TRAF4: variants seen among roughly 807,000 people sequenced by gnomAD.
The protein encoded by TRAF4 is TNF receptor associated factor 4.
TRAF4 carries 9 observed loss-of-function variants against 47.3 expected under a neutral mutation model. That is an observed-to-expected ratio of 0.19 (90% CI 0.11 to 0.33). The LOEUF (loss-of-function observed/expected upper bound fraction) is 0.33. TRAF4 is among the 10% of genes least tolerant of loss of function. TRAF4 has a pLI of 1.00. For synonymous variants in TRAF4, 236 were observed against 236.9 expected (o/e 1.00, Z 0.04); for missense variants, 448 against 620.3 (o/e 0.72, Z 2.95).
intron 1 of TRAF4, among the ~76,000 whole-genome samples, chr17:28,744,468 C>T (rs2034477397): frequency 6.6e-6 from 1 of 152,014 alleles, no homozygotes; most frequent in South Asian, 2.1e-4. Context: ...GTCCCAACTG[C>T]CCGGCCCGGG....
chr17:28,748,458 G>GT, intron 5 of TRAF4, 35 bp downstream of exon 5: 2 of 1,606,928 alleles, frequency 1.2e-6, no homozygotes, highest in Non-Finnish European at 1.7e-6. Flanking sequence ...TTGCAGGGTA[G>GT]GTGACAGGTA....
Position 28,749,435 on chromosome 17 carries a change from G to A in TRAF4, c.1271G>A (p.Arg424Gln), listed in dbSNP as rs144429633. Residue 424 changes from arginine (R) to glutamine (Q), a missense_variant, in exon 7 of 7, where the codon CGG becomes CAG. Physicochemically the swap from Arg to Gln is conservative, Grantham distance 43. Transcript: ENST00000262395. ...AATTTCCAGAAGCCAGGCACGTGGC[G>A]GGGCTCCCTGGATGAGAGTTCTCTG... Reference protein sequence around the residue: ...WKNFQKPGTWRGSLDESSLGF... With the variant: ...WKNFQKPGTWQGSLDESSLGF... The A allele has an allele frequency of 4.3e-4, 686 of 1,613,938 alleles. 4 individuals are homozygous for A. Among genetic ancestry groups the A allele is most frequent in the South Asian group, 6.5e-4 (59 of 91,086 alleles).
chr17:28,744,432 C>A (rs1002485556), intron 1 of TRAF4, among the ~76,000 whole-genome samples, 177 bp downstream of exon 1: 1 of 151,268 alleles, frequency 6.6e-6, no homozygotes, highest in African/African-American at 2.4e-5. Context: ...AGGCCCCCCC[C>A]GCAGGAATCC....
In TRAF4 at chr17:28,749,907, A is replaced by G. The variant is rs1240122749; in HGVS notation, c.*330A>G. 1.4e-6 allele frequency: 1 copy of G among 700,550 alleles called. No homozygotes were observed. The highest frequency in any genetic ancestry group is 1.7e-5 in the African/African-American group (1 of 57,200). The allele number at this position is 700,550 out of a possible 1,614,324, so 43.4% of individuals were successfully genotyped here. On this transcript the variant is annotated 3_prime_UTR_variant, in exon 7 of 7. Coordinates refer to ENST00000262395, the MANE Select transcript of TRAF4 (RefSeq NM_004295.4). Reference sequence around the variant, plus strand: ...GCTCAGGTGCTATGTCCCAAGAGCCATAAGGGGGTGGGAATTGGGGAGGGA... The same window carrying G: ...GCTCAGGTGCTATGTCCCAAGAGCCGTAAGGGGGTGGGAATTGGGGAGGGA...
intron 1 of TRAF4, among the ~76,000 whole-genome samples, chr17:28,746,240 C>T (rs1029404323): frequency 3.3e-5 from 5 of 152,232 alleles, no homozygotes; most frequent in African/African-American, 4.8e-5. Context: ...TGCCCTGCCC[C>T]AGGGCCCTGA....
rs759555287 is a variant in TRAF4, at chr17:28,748,546, C to T, written c.660C>T (p.Ala220=). The T allele has an allele frequency of 6.2e-7, 1 of 1,613,574 alleles. No homozygotes were observed. The highest frequency in any genetic ancestry group is 8.5e-7 in the Non-Finnish European group (1 of 1,179,984). Residue 220 remains alanine (A), a synonymous_variant, in exon 6 of 7, where the codon GCC becomes GCT. Transcript: ENST00000262395. Reference sequence around the variant, plus strand: ...ACCAGTGCCCAAGGCTGCCTGTTGCCTGCCCCAACCAATGTGGTGTGGGCA... The same window carrying T: ...ACCAGTGCCCAAGGCTGCCTGTTGCTTGCCCCAACCAATGTGGTGTGGGCA... ...HQYQCPRLPV[A]CPNQCGVGTV...
At position 28,750,276 on chromosome 17, in the gene TRAF4, T is replaced by G; in HGVS notation, c.*699T>G. The G allele has an allele frequency of 4.1e-6, 1 of 243,632 alleles. No individual in the cohort carries two copies. The highest frequency in any genetic ancestry group is 9.6e-5 in the East Asian group (1 of 10,424). 15.1% of individuals were successfully genotyped at this position (243,632 alleles called of 1,614,324 possible). On this transcript the variant is annotated 3_prime_UTR_variant, in exon 7 of 7. Transcript: ENST00000262395. ...TTGTGTGGAAGACGGTCCCTGCCAC[T>G]GCCCTCTGCCGATGAAATGCGGGAA...
chr17:28,747,202 C>T lies in TRAF4; in HGVS notation c.144-11C>T, dbSNP rs766652062. 26 of 1,613,200 alleles carry T rather than the reference C, an allele frequency of 1.6e-5. No individual in the cohort carries two copies. Among genetic ancestry groups the T allele is most frequent in the South Asian group, 2.2e-5 (2 of 91,036 alleles). On this transcript the variant is annotated splice_polypyrimidine_tract_variant and intron_variant, in intron 1 of 6. Transcript: ENST00000262395. ...ATGAGAAACCTTTTTCCTGCCCCTC[C>T]CCCATTTCAGTGAAGGAGTCTTCAA...
In TRAF4 at chr17:28,750,314, G is replaced by C. The variant is rs952176396; in HGVS notation, c.*737G>C. ...TGAAATGCGGGAAGTGTATGGCCTA[G>C]ATGTTTCATAAGGCTGGAGTCCCTG... On this transcript the variant is annotated 3_prime_UTR_variant, in exon 7 of 7. Transcript: ENST00000262395. 1.6e-5 allele frequency: 3 copies of C among 187,536 alleles called. No homozygotes were observed. Among genetic ancestry groups the C allele is most frequent in the African/African-American group, 2.4e-5 (1 of 42,342 alleles). The allele number at this position is 187,536 out of a possible 1,614,324, so 11.6% of individuals were successfully genotyped here. A position where few individuals can be genotyped will look rare whatever the true frequency, so the allele number is the denominator to read the frequency against.
Position 28,748,581 on chromosome 17 carries a change from G to A in TRAF4, c.695G>A (p.Arg232Gln), listed in dbSNP as rs968312590. ...PNQCGVGTVAREDLPGHLKDS... is the reference protein window; with the variant it reads ...PNQCGVGTVAQEDLPGHLKDS... ...CAATGTGGTGTGGGCACTGTGGCTC[G>A]GGAGGACCTGCCAGGCCATCTGAAG... The change falls in exon 6 of 7, where the codon CGG becomes CAG. Residue 232 changes from arginine (R) to glutamine (Q), a missense_variant. Physicochemically the swap from Arg to Gln is conservative, Grantham distance 43. Transcript: ENST00000262395. The A allele has an allele frequency of 5.6e-6, 9 of 1,612,774 alleles. No homozygotes were observed. Among genetic ancestry groups the A allele is most frequent in the East Asian group, 2.2e-5 (1 of 44,880 alleles).
At position 28,749,344 on chromosome 17, in the gene TRAF4, A is replaced by G; in HGVS notation, c.1180A>G (p.Ser394Gly). 2 of 1,613,968 alleles carry G rather than the reference A, an allele frequency of 1.2e-6. No individual in the cohort carries two copies. The highest frequency in any genetic ancestry group is 1.1e-5 in the South Asian group (1 of 91,078). Residue 394 changes from serine (S) to glycine (G), a missense_variant, in exon 7 of 7, where the codon AGC (serine) becomes GGC (glycine). Coordinates refer to ENST00000262395, the MANE Select transcript of TRAF4 (RefSeq NM_004295.4). ...TGTCACCTTCTCCCTGCTGGATCAG[A>G]GCGACCCTGGGCTGGCTAAACCACA... ...RRVTFSLLDQ[S>G]DPGLAKPQHV...
Position 28,750,893 on chromosome 17 carries a change from C to T in TRAF4, c.*1316C>T, listed in dbSNP as rs2034589911. On this transcript the variant is annotated 3_prime_UTR_variant, in exon 7 of 7. Transcript: ENST00000262395. The stretch of plus-strand genomic sequence containing the variant: ...CTGAGCTACACAGGGCCTCCATTAC[C>T]GTCACTGGTGAAATGCGGCTCACCT... The T allele has an allele frequency of 6.6e-6, 1 of 152,166 alleles. No homozygotes were observed. Among genetic ancestry groups the T allele is most frequent in the African/African-American group, 2.4e-5 (1 of 41,432 alleles). The allele number at this position is 152,166 out of a possible 1,614,324, so 9.4% of individuals were successfully genotyped here.
At position 28,748,302 on chromosome 17, in the gene TRAF4, A is replaced by G; in HGVS notation, c.503A>G (p.Glu168Gly). Reference sequence around the variant, plus strand: ...TGCCCCCAGGAGAGTGTCTACTGTGAGAATAAGTGTGGTGCCCGCATGATG... The same window carrying G: ...TGCCCCCAGGAGAGTGTCTACTGTGGGAATAAGTGTGGTGCCCGCATGATG... ...GMCPQESVYCENKCGARMMRR... is the reference protein window; with the variant it reads ...GMCPQESVYCGNKCGARMMRR... Residue 168 changes from glutamate (E) to glycine (G), a missense_variant, in exon 5 of 7, where the codon GAG becomes GGG. Physicochemically the swap from Glu to Gly is moderately conservative, Grantham distance 98. Transcript: ENST00000262395. The G allele has an allele frequency of 1.9e-6, 3 of 1,613,828 alleles. No homozygotes were observed. Among genetic ancestry groups the G allele is most frequent in the Non-Finnish European group, 2.5e-6 (3 of 1,179,958 alleles).
rs1320136375 is a variant in TRAF4 at position 28,750,344 on chromosome 17, G to C, written c.*767G>C. On this transcript the variant is annotated 3_prime_UTR_variant, in exon 7 of 7. Coordinates refer to ENST00000262395, the MANE Select transcript of TRAF4 (RefSeq NM_004295.4). ...TTCATAAGGCTGGAGTCCCTGGTCA[G>C]CCCCACCAGATTAGTGCTTCTACCC... The C allele has an allele frequency of 5.9e-6, 1 of 168,350 alleles. No homozygotes were observed. The highest frequency in any genetic ancestry group is 2.4e-5 in the African/African-American group (1 of 41,868). 10.4% of individuals were successfully genotyped at this position (168,350 alleles called of 1,614,324 possible). A position where few individuals can be genotyped will look rare whatever the true frequency, so the allele number is the denominator to read the frequency against.
Position 28,750,539 on chromosome 17 carries a change from G to C in TRAF4, c.*962G>C, listed in dbSNP as rs2034586268. The C allele has an allele frequency of 6.6e-6, 1 of 152,238 alleles. No individual in the cohort carries two copies. The highest frequency in any genetic ancestry group is 2.4e-5 in the African/African-American group (1 of 41,450). 9.4% of individuals were successfully genotyped at this position (152,238 alleles called of 1,614,324 possible). ...TGAGGCAGTGCATGTTCTTGGCCCA[G>C]AGTAAGTGCTTAGTGAATGCTTTCT... is the stretch of plus-strand genomic sequence containing the variant. On this transcript the variant is annotated 3_prime_UTR_variant, in exon 7 of 7. Transcript: ENST00000262395.
chr17:28,746,829 C>T, intron 1 of TRAF4: 1 of 179,506 alleles, frequency 5.6e-6, no homozygotes, highest in Non-Finnish European at 1.2e-5. Context: ...TCAGCCCATC[C>T]CTGTTCCCCC....
rs1161270316 is a variant in TRAF4, at chr17:28,750,672, G to A, written c.*1095G>A. The A allele has an allele frequency of 6.6e-6, 1 of 152,140 alleles. No homozygotes were observed. The highest frequency in any genetic ancestry group is 2.1e-4 in the South Asian group (1 of 4,830). 9.4% of individuals were successfully genotyped at this position (152,140 alleles called of 1,614,324 possible). On this transcript the variant is annotated 3_prime_UTR_variant, in exon 7 of 7. Coordinates refer to ENST00000262395, the MANE Select transcript of TRAF4 (RefSeq NM_004295.4). Reference sequence around the variant, plus strand: ...CTGTCTCTCATCGGCTTTTCTTAACGGGCCTCAGTGGGTGCATGTGATTAT... The same window carrying A: ...CTGTCTCTCATCGGCTTTTCTTAACAGGCCTCAGTGGGTGCATGTGATTAT...
chr17:28,744,407 G>T, intron 1 of TRAF4, 152 bp downstream of exon 1: 1 of 929,260 alleles, frequency 1.1e-6, no homozygotes, highest in South Asian at 1.8e-5. Context: ...GAGGGATGAC[G>T]TCAAGCCCCG....
At chr17:28,745,324 C>T (rs2151736733) in intron 1 of TRAF4, 1 of 152,872 alleles carries the variant, frequency 6.5e-6, no homozygotes, top group African/African-American at 2.4e-5. Context: ...CTCACATATG[C>T]TCCGGCACAA....
Sources: allele counts gnomAD v4.1 joint callset (sites outside exome capture counted in the v4.1 genomes callset), GRCh38; gene constraint gnomAD v4.1.1; transcripts MANE v1.5; gene names NCBI Gene and HGNC (gene_info 2026-07-23, HGNC 2026-07-21).